SUMF1: variants seen among roughly 807,000 people sequenced by gnomAD.
SUMF1 encodes the protein sulfatase modifying factor 1, also known as formylglycine-generating enzyme.
Under a neutral mutation model 47.6 loss-of-function variants are expected in SUMF1, and 48 were observed. The ratio of observed to expected loss-of-function variants is 1.01; its 90% CI spans 0.80 to 1.28. The LOEUF is 1.28. Among genes scored for constraint, SUMF1 ranks in the 50% most tolerant of loss-of-function variants. The pLI is 0.00. For synonymous variants in SUMF1, 230 were observed against 192.1 expected, an observed-to-expected ratio of 1.20 and a Z score of -1.63; for missense variants, 571 against 485.4, an observed-to-expected ratio of 1.18 and a Z score of -1.66.
At chr3:4,272,622 CATA>C (rs1376999615) in intron 8 of SUMF1, among the ~76,000 whole-genome samples, 1 of 152,170 alleles carries the variant, frequency 6.6e-6, no homozygotes, top group Non-Finnish European at 1.5e-5. Flanking sequence ...GTGTCTGCTA[CATA>C]ATTATTCTAT....
chr3:4,081,692 G>T (rs1471793145), intron 8 of SUMF1, among the ~76,000 whole-genome samples: 2 of 152,032 alleles, frequency 1.3e-5, no homozygotes, highest in East Asian at 3.8e-4. Context: ...TCTGTCATAG[G>T]GTTATGAGTG....
chr3:4,333,226 T>G (rs921138513), intron 8 of SUMF1, among the ~76,000 whole-genome samples: 1 of 152,216 alleles, frequency 6.6e-6, no homozygotes. Context: ...GGTTAACATT[T>G]AAGCCATCCA....
intron 1 of SUMF1, among the ~76,000 whole-genome samples, chr3:4,456,464 T>C (rs2079602565): frequency 1.3e-5 from 2 of 149,458 alleles, no homozygotes; most frequent in African/African-American, 4.9e-5. Context: ...GTTTTTTTTT[T>C]TTTTTGAGAC....
intron 8 of SUMF1, among the ~76,000 whole-genome samples, chr3:4,246,360 T>C (rs575721698): frequency 6.6e-6 from 1 of 152,226 alleles, no homozygotes; most frequent in East Asian, 1.9e-4. Flanking sequence ...CTGGGAGCCG[T>C]AGACTGGAGC....
chr3:4,046,160 G>C (rs1172661869), intron 9 of SUMF1, among the ~76,000 whole-genome samples: 2 of 152,166 alleles, frequency 1.3e-5, no homozygotes, highest in East Asian at 3.9e-4. Context: ...TTCTAGCTCA[G>C]GTCTTACCTA....
chr3:4,338,121 T>C (rs763738227), intron 8 of SUMF1, among the ~76,000 whole-genome samples: 11 of 152,172 alleles, frequency 7.2e-5, no homozygotes, highest in Non-Finnish European at 1.2e-4. Flanking sequence ...ATTTTAGAGC[T>C]TGGCACAGTG....
chr3:4,313,357 A>T, intron 8 of SUMF1: 1 of 1,614,040 alleles, frequency 6.2e-7, no homozygotes, highest in South Asian at 1.1e-5. Context: ...TGGGCAGGTA[A>T]TGGAAACATT....
intron 9 of SUMF1, among the ~76,000 whole-genome samples, chr3:4,045,607 C>T (rs1694993292): frequency 6.6e-6 from 1 of 152,010 alleles, no homozygotes; most frequent in South Asian, 2.1e-4. Context: ...GAGCTAACAA[C>T]TCCATATAAT....
chr3:4,290,894 A>C (rs1476827386), intron 8 of SUMF1, among the ~76,000 whole-genome samples: 1 of 151,736 alleles, frequency 6.6e-6, no homozygotes, highest in African/African-American at 2.4e-5. Context: ...TAGCCATGGT[A>C]GGTGCATTTA....
chr3:4,095,226 CTA>C, intron 8 of SUMF1, among the ~76,000 whole-genome samples: 1 of 152,164 alleles, frequency 6.6e-6, no homozygotes, highest in South Asian at 2.1e-4. Flanking sequence ...GTCCTAAACT[CTA>C]TATTTTAAAC....
At chr3:4,405,820 G>C (rs1701358039) in intron 7 of SUMF1, among the ~76,000 whole-genome samples, 1 of 152,146 alleles carries the variant, frequency 6.6e-6, no homozygotes, top group African/African-American at 2.4e-5. Flanking sequence ...TGAATCTCTG[G>C]CTAAAATGTG....
chr3:4,343,402 G>A (rs914694195), intron 8 of SUMF1, among the ~76,000 whole-genome samples: 4 of 152,176 alleles, frequency 2.6e-5, no homozygotes, highest in African/African-American at 7.2e-5. Flanking sequence ...AGAGGGGAGT[G>A]CAAACAATTT....
chr3:4,118,352 G>A (rs1314440317), intron 8 of SUMF1, among the ~76,000 whole-genome samples: 1 of 151,416 alleles, frequency 6.6e-6, no homozygotes, highest in Non-Finnish European at 1.5e-5. Context: ...AGAGGTTAAT[G>A]ATTCAGTCAA....
At chr3:4,164,377 C>T (rs901634736) in intron 8 of SUMF1, among the ~76,000 whole-genome samples, 7 of 152,254 alleles carry the variant, frequency 4.6e-5, no homozygotes, top group South Asian at 2.1e-4. Flanking sequence ...CATGAGCTGG[C>T]GCTTACCCCA....
intron 8 of SUMF1, among the ~76,000 whole-genome samples, chr3:4,282,137 T>G (rs1697541881): frequency 6.6e-6 from 1 of 152,130 alleles, no homozygotes; most frequent in African/African-American, 2.4e-5. Context: ...GAAAAGACAG[T>G]TAAATCCAGT....
At chr3:4,132,322 C>T (rs1166308735) in intron 8 of SUMF1, among the ~76,000 whole-genome samples, 1 of 152,036 alleles carries the variant, frequency 6.6e-6, no homozygotes, top group Non-Finnish European at 1.5e-5. Context: ...ATTCACTGGT[C>T]CTATCATGTT....
Position 4,467,211 on chromosome 3 carries a change from C to T in SUMF1, c.35G>A (p.Arg12His). Reference protein sequence around the residue: ...AAPALGLVCGRCPELGLVLLL... With the variant: ...AAPALGLVCGHCPELGLVLLL... The stretch of plus-strand genomic sequence containing the variant: ...GAGGACGAGACCCAGCTCAGGGCAA[C>T]GTCCACACACCAGCCCTAGTGCGGG... The change falls in exon 1 of 9, where the codon CGT (arginine) becomes CAT (histidine). Residue 12 changes from arginine to histidine, a missense_variant. By Grantham distance (29) the Arg-to-His change is conservative (BLOSUM62 0). Transcript: ENST00000272902. The T allele has an allele frequency of 6.2e-7, 1 of 1,611,768 alleles. No individual in the cohort carries two copies. The highest frequency in any genetic ancestry group is 8.5e-7 in the Non-Finnish European group (1 of 1,179,334).
chr3:4,310,608 G>A (rs1316949982), intron 8 of SUMF1, among the ~76,000 whole-genome samples: 1 of 152,060 alleles, frequency 6.6e-6, no homozygotes, highest in Non-Finnish European at 1.5e-5. Context: ...AGTCCCTGAA[G>A]GATTATAGCT....
chr3:4,102,136 T>C (rs553268197), intron 8 of SUMF1, among the ~76,000 whole-genome samples: 1 of 152,300 alleles, frequency 6.6e-6, no homozygotes, highest in Non-Finnish European at 1.5e-5. Context: ...GGAACTACAA[T>C]TCAACATGAG....
Sources: gnomAD v4.1 joint callset for allele counts (sites outside exome capture counted in the v4.1 genomes callset) on GRCh38, gnomAD v4.1.1 for gene constraint, MANE v1.5 for transcripts, NCBI Gene and HGNC (gene_info 2026-07-23, HGNC 2026-07-21) for gene names.